Variants in SLIT3 observed in about 807,000 individuals in gnomAD.
SLIT3 encodes the protein slit guidance ligand 3.
SLIT3 carries 68 observed loss-of-function variants against 184.0 expected under a neutral mutation model. The ratio of observed to expected loss-of-function variants is 0.37; its 90% CI spans 0.30 to 0.45. The LOEUF is 0.45. Ranked by LOEUF, SLIT3 falls within the 20% of genes least tolerant of loss-of-function variation. SLIT3 has a pLI of 1.00. For synonymous variants in SLIT3, 831 were observed against 828.6 expected (o/e 1.00, Z -0.05); for missense variants, 1,707 against 2,026.0 (o/e 0.84, Z 3.02).
At chr5:168,980,674 A>T (rs1006636771) in intron 4 of SLIT3, among the ~76,000 whole-genome samples, 2 of 152,226 alleles carry the variant, frequency 1.3e-5, no homozygotes, top group African/African-American at 4.8e-5. Context: ...AACTTAACCC[A>T]AGAAATACTT....
intron 4 of SLIT3, among the ~76,000 whole-genome samples, chr5:169,005,270 C>T (rs918442535): frequency 2.0e-5 from 3 of 152,150 alleles, no homozygotes; most frequent in Admixed American, 6.5e-5. Flanking sequence ...AAATGGAACC[C>T]ATAATATCCC....
At chr5:168,758,564 C>T (rs1248005472) in intron 16 of SLIT3, among the ~76,000 whole-genome samples, 1 of 152,162 alleles carries the variant, frequency 6.6e-6, no homozygotes, top group Non-Finnish European at 1.5e-5. Context: ...GGCACTGGAC[C>T]CCAGTGACAG....
rs570352398 is a variant in SLIT3, at chr5:168,746,014, T to C, written c.2270+2288A>G. Among the ~76,000 whole-genome samples the C allele has an allele frequency of 1.1e-4, 17 of 152,332 alleles. No homozygotes were observed. In the South Asian group the frequency reaches 2.3e-3, roughly 20 times the overall value. On this transcript the variant is annotated intron_variant, in intron 20 of 35. Transcript: ENST00000519560. ...GAATTAAGGTATGTACATTGGTACATTGGTTTTTTTCCAACACAATGAGAT... is the reference window on the plus strand; with the variant it reads ...GAATTAAGGTATGTACATTGGTACACTGGTTTTTTTCCAACACAATGAGAT...
intron 1 of SLIT3, among the ~76,000 whole-genome samples, chr5:169,274,559 T>A (rs1250200320): frequency 6.6e-6 from 1 of 152,140 alleles, no homozygotes; most frequent in Non-Finnish European, 1.5e-5. Flanking sequence ...TACATGAATG[T>A]TGATGGAATG....
intron 4 of SLIT3, among the ~76,000 whole-genome samples, chr5:168,995,837 C>T (rs556079865): frequency 6.6e-6 from 1 of 152,338 alleles, no homozygotes; most frequent in African/African-American, 2.4e-5. Context: ...GCAAGGCCAG[C>T]AGCCTTGGAC....
chr5:168,752,388 G>GTTTTTTTTTTTT (rs35984907), intron 18 of SLIT3: 2 of 109,752 alleles, frequency 1.8e-5, no homozygotes, highest in African/African-American at 3.8e-5. Flanking sequence ...AAAGCCCCTG[G>GTTTTTTTTTTTT]TTTTTTTTTT....
At chr5:168,945,956 T>G (rs1195461302) in intron 4 of SLIT3, among the ~76,000 whole-genome samples, 1 of 152,264 alleles carries the variant, frequency 6.6e-6, no homozygotes, top group Non-Finnish European at 1.5e-5. Context: ...CTTGGAAAGT[T>G]TCTCGCGTAC....
chr5:169,090,278 T>C (rs532938516), intron 4 of SLIT3, among the ~76,000 whole-genome samples: 2 of 151,920 alleles, frequency 1.3e-5, no homozygotes, highest in Non-Finnish European at 2.9e-5. Context: ...GGAGAAATAA[T>C]AGTAATAATA....
At chr5:168,877,264 T>C (rs751809164) in intron 5 of SLIT3, among the ~76,000 whole-genome samples, 1 of 152,038 alleles carries the variant, frequency 6.6e-6, no homozygotes. Context: ...GTAGGCAACA[T>C]TTGAGCCGGG....
intron 7 of SLIT3, among the ~76,000 whole-genome samples, chr5:168,819,198 G>C (rs1757438713): frequency 6.6e-6 from 1 of 152,200 alleles, no homozygotes; most frequent in Admixed American, 6.5e-5. Flanking sequence ...GCAGGAAGGG[G>C]TTGGCGAACC....
intron 3 of SLIT3, among the ~76,000 whole-genome samples, chr5:169,232,130 C>T (rs948187471): frequency 2.0e-5 from 3 of 151,844 alleles, no homozygotes; most frequent in East Asian, 1.9e-4. Context: ...TGTATTTTGG[C>T]GAATTATTTA....
At chr5:168,978,796 A>G (rs556901512) in intron 4 of SLIT3, among the ~76,000 whole-genome samples, 440 of 152,218 alleles carry the variant, frequency 2.9e-3, no homozygotes, top group Non-Finnish European at 4.7e-3. Flanking sequence ...TAAATTTACT[A>G]TCTAATCTTT....
chr5:169,050,020 T>C (rs1757760954), intron 4 of SLIT3, among the ~76,000 whole-genome samples: 1 of 152,110 alleles, frequency 6.6e-6, no homozygotes, highest in South Asian at 2.1e-4. Flanking sequence ...CTCCTCCCCA[T>C]TTCTCCTCTA....
At chr5:168,898,805 T>C (rs1393416442) in intron 4 of SLIT3, among the ~76,000 whole-genome samples, 3 of 152,152 alleles carry the variant, frequency 2.0e-5, no homozygotes, top group Non-Finnish European at 2.9e-5. Flanking sequence ...TCTCACACCA[T>C]TGAACCTGCA....
At chr5:169,109,955 C>A (rs148971160) in intron 4 of SLIT3, among the ~76,000 whole-genome samples, 9 of 152,294 alleles carry the variant, frequency 5.9e-5, no homozygotes, top group African/African-American at 2.2e-4. Flanking sequence ...ATATCAAGAT[C>A]CTCTTTTCAT....
Position 168,967,437 on chromosome 5 carries a change from C to CTTTTTTTTTTTT in SLIT3, c.414-84113_414-84102dup, listed in dbSNP as rs540309809. ...TTCCTCTGGCACTGCCATCTCAAAT[C>CTTTTTTTTTTTT]TTTTTTTTTTTTTTTTTTTTGAGAC... On this transcript the variant is annotated intron_variant, in intron 4 of 35. Transcript: ENST00000519560. Among the ~76,000 whole-genome samples, 138 of 32,736 alleles carry CTTTTTTTTTTTT rather than the reference C, an allele frequency of 4.2e-3. 57 individuals are homozygous for CTTTTTTTTTTTT. The highest frequency in any genetic ancestry group is 0.013 in the East Asian group (6 of 450). The allele number at this position is 32,736 out of a possible 152,430, so 21.5% of individuals were successfully genotyped here. A position where few individuals can be genotyped will look rare whatever the true frequency, so the allele number is the denominator to read the frequency against.
chr5:169,170,064 C>A (rs1457415021), intron 4 of SLIT3, among the ~76,000 whole-genome samples: 1 of 152,194 alleles, frequency 6.6e-6, no homozygotes, highest in Non-Finnish European at 1.5e-5. Context: ...ACCTCCAGAC[C>A]CTTCCTGACT....
intron 12 of SLIT3, among the ~76,000 whole-genome samples, chr5:168,778,239 T>G (rs1755828238): frequency 6.6e-6 from 1 of 152,208 alleles, no homozygotes; most frequent in African/African-American, 2.4e-5. Flanking sequence ...ACAACAGCAC[T>G]ATGATTATCT....
intron 3 of SLIT3, among the ~76,000 whole-genome samples, chr5:169,230,913 T>A (rs906218569): frequency 1.3e-5 from 2 of 152,210 alleles, no homozygotes; most frequent in African/African-American, 2.4e-5. Flanking sequence ...AGGATAAATA[T>A]ATTTTGAGTA....
Sources: gnomAD v4.1 joint callset for allele counts (sites outside exome capture counted in the v4.1 genomes callset) on GRCh38, gnomAD v4.1.1 for gene constraint, MANE v1.5 for transcripts, NCBI Gene and HGNC (gene_info 2026-07-23, HGNC 2026-07-21) for gene names.